The following UGGT2 variants were observed in gnomAD, a reference collection of about 807,000 sequenced individuals.
UGGT2 encodes UDP-glucose glycoprotein glucosyltransferase 2.
A neutral mutation model predicts 192.1 loss-of-function variants in UGGT2; 180 were observed. The ratio of observed to expected loss-of-function variants is 0.94; its 90% CI spans 0.83 to 1.06. The LOEUF (loss-of-function observed/expected upper bound fraction) is 1.06. Ranked by LOEUF, UGGT2 falls within the 50% of genes least tolerant of loss-of-function variation. The probability of loss-of-function intolerance (pLI) is 0.00; values close to 1 mark genes in which losing one functional copy is unlikely to be tolerated. For missense variants in UGGT2, 1,849 were observed against 1,795.7 expected, an observed-to-expected ratio of 1.03 and a Z score of -0.54; for synonymous variants, 580 against 591.0, an observed-to-expected ratio of 0.98 and a Z score of 0.27.
At chr13:95,848,162 T>C (rs1261859908) in intron 36 of UGGT2, among the ~76,000 whole-genome samples, 1 of 152,234 alleles carries the variant, frequency 6.6e-6, no homozygotes, top group African/African-American at 2.4e-5. Context: ...TGTTTTCTGA[T>C]TGTTGAGTCT....
At chr13:95,884,455 TTCTC>T (rs773052406) in intron 27 of UGGT2, 32 bp downstream of exon 27, 6 of 1,475,834 alleles carry the variant, frequency 4.1e-6, no homozygotes, top group Non-Finnish European at 5.5e-6. Flanking sequence ...TTTATCCTGT[TTCTC>T]TCTCTTTATA....
chr13:95,997,311 G>A (rs1380254086), intron 6 of UGGT2, among the ~76,000 whole-genome samples: 1 of 152,132 alleles, frequency 6.6e-6, no homozygotes, highest in Non-Finnish European at 1.5e-5. Context: ...TTCTCTAACA[G>A]AGCAGCAAGA....
intron 5 of UGGT2, among the ~76,000 whole-genome samples, chr13:96,001,091 C>T (rs982712940): frequency 1.3e-5 from 2 of 152,176 alleles, no homozygotes; most frequent in Non-Finnish European, 2.9e-5. Context: ...GTCACATTCT[C>T]TATGTCAGGC....
chr13:95,983,612 A>C (rs762191731), intron 10 of UGGT2, 192 bp downstream of exon 10: 4 of 650,546 alleles, frequency 6.1e-6, no homozygotes, highest in Middle Eastern at 2.5e-4. Context: ...AATAAGTAGA[A>C]GGTATGTCAG....
At chr13:95,931,970 C>T (rs958200615) in intron 17 of UGGT2, among the ~76,000 whole-genome samples, 2 of 152,178 alleles carry the variant, frequency 1.3e-5, no homozygotes, top group African/African-American at 4.8e-5. Flanking sequence ...GAGCAAGGGC[C>T]ACCAGCACAT....
chr13:96,015,196 T>C (rs1194590940), intron 4 of UGGT2, among the ~76,000 whole-genome samples: 3 of 150,426 alleles, frequency 2.0e-5, no homozygotes, highest in African/African-American at 7.4e-5. Flanking sequence ...GAGAATGGCA[T>C]GAATCCAGGA....
intron 19 of UGGT2, among the ~76,000 whole-genome samples, chr13:95,926,227 G>A (rs2049010976): frequency 6.6e-6 from 1 of 152,124 alleles, no homozygotes; most frequent in Admixed American, 6.5e-5. Context: ...CATGGAATCT[G>A]TTAGACAGTA....
chr13:95,841,724 G>A (rs1371516688), intron 36 of UGGT2, among the ~76,000 whole-genome samples: 3 of 151,982 alleles, frequency 2.0e-5, no homozygotes, highest in African/African-American at 7.2e-5. Context: ...TTCTTTTATT[G>A]CTTGTGCTTT....
intron 4 of UGGT2, among the ~76,000 whole-genome samples, chr13:96,015,341 A>G (rs970564822): frequency 6.6e-6 from 1 of 151,842 alleles, no homozygotes; most frequent in Non-Finnish European, 1.5e-5. Flanking sequence ...GGAGATAAAT[A>G]TTGAGGTTGA....
intron 1 of UGGT2, among the ~76,000 whole-genome samples, chr13:96,046,614 A>G (rs532554806): frequency 1.1e-3 from 168 of 152,306 alleles, no homozygotes; most frequent in African/African-American, 3.7e-3. Flanking sequence ...CTTGTCAGAC[A>G]GTGGGTACAG....
chr13:95,993,367 G>A (rs982685417), intron 7 of UGGT2, among the ~76,000 whole-genome samples: 2 of 152,050 alleles, frequency 1.3e-5, no homozygotes, highest in African/African-American at 2.4e-5. Context: ...AAACCTGCAC[G>A]TGTATGCCTT....
chr13:95,909,338 A>T (rs2048398778), intron 20 of UGGT2, among the ~76,000 whole-genome samples: 11 of 151,884 alleles, frequency 7.2e-5, no homozygotes, highest in Admixed American at 7.2e-4. Context: ...AATAGCAAAG[A>T]CTTGGAACCA....
chr13:95,927,017 A>G lies in UGGT2; in HGVS notation c.2200+11T>C. The G allele has an allele frequency of 6.3e-7, 1 of 1,585,420 alleles. No individual in the cohort carries two copies. The highest frequency in any genetic ancestry group is 8.6e-7 in the Non-Finnish European group (1 of 1,169,080). On this transcript the variant is annotated intron_variant, in intron 19 of 38. Transcript: ENST00000376747. ...CTTTAAGAATTCAGGTAAATAAAAT[A>G]TGCTTATTACCGTCTTGGGTTAAAT...
intron 4 of UGGT2, among the ~76,000 whole-genome samples, chr13:96,016,165 T>C (rs2052332073): frequency 6.6e-6 from 1 of 152,164 alleles, no homozygotes; most frequent in Non-Finnish European, 1.5e-5. Context: ...GGCTTTAAGT[T>C]GGAATTCATA....
At chr13:95,822,587 T>G (rs1885619298) in intron 38 of UGGT2, among the ~76,000 whole-genome samples, 1 of 151,844 alleles carries the variant, frequency 6.6e-6, no homozygotes, top group Non-Finnish European at 1.5e-5. Context: ...ATGCTAATAG[T>G]TCGTACATGT....
intron 36 of UGGT2, among the ~76,000 whole-genome samples, chr13:95,852,397 G>A (rs1475024931): frequency 6.6e-6 from 1 of 152,054 alleles, no homozygotes; most frequent in Non-Finnish European, 1.5e-5. Flanking sequence ...CATCTTCATA[G>A]GGACATATGG....
At chr13:95,991,328 T>C (rs1360834069) in intron 7 of UGGT2, 3 of 331,396 alleles carry the variant, frequency 9.1e-6, no homozygotes, top group Non-Finnish European at 1.8e-5. Context: ...TGAACTCATC[T>C]ACACACACAC....
rs59757283 is a variant in UGGT2 at position 95,924,393 on chromosome 13, C to CTTTTTTT, written c.2295+1280_2295+1286dup. On this transcript the variant is annotated intron_variant, in intron 20 of 38. Transcript: ENST00000376747. ...AATAGATGTAATAGATCCCAAACAG[C>CTTTTTTT]TTTTTTTTTTTTTTTTTTTTTTTTT... 6.9e-4 allele frequency among the ~76,000 whole-genome samples: 44 copies of CTTTTTTT among 63,348 alleles called. 4 individuals carry two copies. The highest frequency in any genetic ancestry group is 1.1e-3 in the African/African-American group (22 of 20,670). 41.6% of individuals were successfully genotyped at this position (63,348 alleles called of 152,430 possible).
intron 4 of UGGT2, among the ~76,000 whole-genome samples, chr13:96,013,761 A>G (rs2052239971): frequency 6.6e-6 from 1 of 152,138 alleles, no homozygotes; most frequent in Non-Finnish European, 1.5e-5. Context: ...TTTTCAGTGA[A>G]ATAAAATTTA....
Sources: allele counts gnomAD v4.1 joint callset (sites outside exome capture counted in the v4.1 genomes callset), GRCh38; gene constraint gnomAD v4.1.1; transcripts MANE v1.5; gene names NCBI Gene and HGNC (gene_info 2026-07-23, HGNC 2026-07-21).